HS3ST4: variants seen among roughly 807,000 people sequenced by gnomAD.
The protein encoded by HS3ST4 is heparan sulfate-glucosamine 3-sulfotransferase 4.
A neutral mutation model predicts 29.2 loss-of-function variants in HS3ST4; 17 were observed. That is an observed-to-expected ratio of 0.58 (90% CI 0.40 to 0.87). HS3ST4 has a LOEUF of 0.87. HS3ST4 is among the 40% of genes least tolerant of loss of function. The pLI is 0.00. For synonymous variants in HS3ST4, 314 were observed against 285.7 expected, an observed-to-expected ratio of 1.10 and a Z score of -1.00; for missense variants, 627 against 634.5, an observed-to-expected ratio of 0.99 and a Z score of 0.13.
At chr16:25,792,091 T>C (rs933814400) in intron 1 of HS3ST4, among the ~76,000 whole-genome samples, 1 of 152,048 alleles carries the variant, frequency 6.6e-6, no homozygotes, top group African/African-American at 2.4e-5. Flanking sequence ...ATCATTTTTA[T>C]GGATCTGTTG....
intron 1 of HS3ST4, among the ~76,000 whole-genome samples, chr16:25,767,284 G>C (rs1966826558): frequency 6.6e-6 from 1 of 152,204 alleles, no homozygotes. Flanking sequence ...TTATCATCCA[G>C]TGTTCTTGAG....
chr16:26,079,867 A>G (rs1446430355), intron 1 of HS3ST4, among the ~76,000 whole-genome samples: 1 of 152,198 alleles, frequency 6.6e-6, no homozygotes, highest in Admixed American at 6.5e-5. Flanking sequence ...CAATGTAAAC[A>G]TGGATAGTAA....
intron 1 of HS3ST4, among the ~76,000 whole-genome samples, chr16:26,021,928 C>G (rs946795677): frequency 1.5e-4 from 23 of 151,846 alleles, no homozygotes; most frequent in Non-Finnish European, 2.9e-4. Context: ...TCCCAAAGTG[C>G]TGGAATTACA....
At chr16:25,922,731 T>C (rs1968366194) in intron 1 of HS3ST4, among the ~76,000 whole-genome samples, 1 of 152,246 alleles carries the variant, frequency 6.6e-6, no homozygotes, top group Non-Finnish European at 1.5e-5. Flanking sequence ...TTAGAATTAC[T>C]GGAAGCTTGT....
chr16:25,867,729 G>A lies in HS3ST4; in HGVS notation c.734+174578G>A, dbSNP rs114811670. On this transcript the variant is annotated intron_variant, in intron 1 of 1. Transcript: ENST00000331351. ...ACATATTGGGTGCTCAAAAAATGATGCAGGTTGAAGGAATATTGACATCAT... is the reference window on the plus strand; with the variant it reads ...ACATATTGGGTGCTCAAAAAATGATACAGGTTGAAGGAATATTGACATCAT... 2.6e-3 allele frequency among the ~76,000 whole-genome samples: 391 copies of A among 152,222 alleles called. 2 individuals carry two copies. Among genetic ancestry groups the A allele is most frequent in the African/African-American group, 9.1e-3 (378 of 41,534 alleles).
At chr16:25,802,337 T>C (rs1966947344) in intron 1 of HS3ST4, among the ~76,000 whole-genome samples, 1 of 152,172 alleles carries the variant, frequency 6.6e-6, no homozygotes, top group African/African-American at 2.4e-5. Flanking sequence ...TTGAATGTTA[T>C]TCTTTTCCTA....
chr16:25,781,359 G>C (rs756149976), intron 1 of HS3ST4, among the ~76,000 whole-genome samples: 4 of 152,106 alleles, frequency 2.6e-5, no homozygotes, highest in Non-Finnish European at 5.9e-5. Context: ...CCTCATCAGC[G>C]GTTCTCTTGA....
In HS3ST4 at chr16:26,136,133, G is replaced by A. The variant is rs9930821; in HGVS notation, c.1256G>A (p.Arg419His). ...AAGAGCAAAGGTCGGACTCATCCTC[G>A]CATTGACCCAGATGTCATCCACAGA... Reference protein sequence around the residue: ...LGKSKGRTHPRIDPDVIHRLR... With the variant: ...LGKSKGRTHPHIDPDVIHRLR... The change falls in exon 2 of 2, where the codon CGC becomes CAC. Residue 419 changes from arginine to histidine, a missense_variant. This residue lies in a region of HS3ST4 where 225 missense variants were observed against 293.7 expected (regional missense o/e 0.77). Transcript: ENST00000331351. 8 of 1,613,122 alleles carry A rather than the reference G, an allele frequency of 5.0e-6. No homozygotes were observed. Among genetic ancestry groups the A allele is most frequent in the Admixed American group, 1.7e-5 (1 of 59,898 alleles).
intron 1 of HS3ST4, among the ~76,000 whole-genome samples, chr16:25,726,428 C>A (rs1477671339): frequency 1.3e-5 from 2 of 152,062 alleles, no homozygotes; most frequent in African/African-American, 4.8e-5. Flanking sequence ...TTGCAGTGAA[C>A]AAATGGGTAT....
rs555504022 is a variant in HS3ST4, at chr16:25,829,575, C to T, written c.734+136424C>T. The stretch of plus-strand genomic sequence containing the variant: ...GTCCTAATGCTCTCCCTCCCCTTGC[C>T]CCGACCCTGCAACAGGCCCCGGTGT... On this transcript the variant is annotated intron_variant, in intron 1 of 1. Coordinates refer to ENST00000331351, the MANE Select transcript of HS3ST4 (RefSeq NM_006040.3). 5.3e-5 allele frequency among the ~76,000 whole-genome samples: 8 copies of T among 152,130 alleles called. No individual in the cohort carries two copies. In the South Asian group the frequency reaches 1.7e-3, roughly 32 times the overall value.
At chr16:25,870,461 T>G (rs72780754) in intron 1 of HS3ST4, among the ~76,000 whole-genome samples, 5,082 of 150,644 alleles carry the variant, frequency 0.034, 88 homozygotes, top group South Asian at 0.073. Flanking sequence ...GGCCAGGGAG[T>G]GAATCAAATA....
At chr16:25,745,332 G>A (rs1218576770) in intron 1 of HS3ST4, among the ~76,000 whole-genome samples, 2 of 152,118 alleles carry the variant, frequency 1.3e-5, no homozygotes, top group Non-Finnish European at 2.9e-5. Flanking sequence ...CTTGGTCCAT[G>A]TGCTACCATT....
chr16:25,850,743 A>G lies in HS3ST4; in HGVS notation c.734+157592A>G, dbSNP rs544166228. Among the ~76,000 whole-genome samples, 599 of 152,336 alleles carry G rather than the reference A, an allele frequency of 3.9e-3. 6 individuals are homozygous for G. The highest frequency in any genetic ancestry group is 0.014 in the African/African-American group (574 of 41,576). Reference sequence around the variant, plus strand: ...AAGGATTTCAAAGTTAAGAAAGAAAAGAGTGCTTCATACAAAGGCACAAAG... The same window carrying G: ...AAGGATTTCAAAGTTAAGAAAGAAAGGAGTGCTTCATACAAAGGCACAAAG... On this transcript the variant is annotated intron_variant, in intron 1 of 1. Coordinates refer to ENST00000331351, the MANE Select transcript of HS3ST4 (RefSeq NM_006040.3).
intron 1 of HS3ST4, among the ~76,000 whole-genome samples, chr16:25,918,232 A>G (rs1596613678): frequency 6.6e-6 from 1 of 152,236 alleles, no homozygotes; most frequent in African/African-American, 2.4e-5. Context: ...TATTTGGTCC[A>G]TCAAGTAATA....
chr16:25,798,775 CATTCTT>C (rs1425248556), intron 1 of HS3ST4, among the ~76,000 whole-genome samples: 1 of 152,176 alleles, frequency 6.6e-6, no homozygotes, highest in Non-Finnish European at 1.5e-5. Flanking sequence ...ACGGCACCCT[CATTCTT>C]TAGATGCTTG....
intron 1 of HS3ST4, among the ~76,000 whole-genome samples, chr16:25,948,828 C>T (rs1368760881): frequency 6.6e-6 from 1 of 152,122 alleles, no homozygotes; most frequent in Non-Finnish European, 1.5e-5. Context: ...CTGACGTGAC[C>T]TCCGTGGCAC....
chr16:26,067,885 G>C (rs1370730079), intron 1 of HS3ST4, among the ~76,000 whole-genome samples: 1 of 152,134 alleles, frequency 6.6e-6, no homozygotes, highest in African/African-American at 2.4e-5. Flanking sequence ...TCTCTTGCTT[G>C]CCTGCCACCA....
intron 1 of HS3ST4, among the ~76,000 whole-genome samples, chr16:26,021,309 G>C (rs1969411797): frequency 6.6e-6 from 1 of 152,114 alleles, no homozygotes; most frequent in Non-Finnish European, 1.5e-5. Flanking sequence ...GTCCACACTG[G>C]ACCTGCATTC....
At chr16:25,998,098 A>C (rs1371315955) in intron 1 of HS3ST4, among the ~76,000 whole-genome samples, 1 of 151,912 alleles carries the variant, frequency 6.6e-6, no homozygotes. Flanking sequence ...CAAACAAACA[A>C]AAACACCTTA....
Sources: gnomAD v4.1 joint callset for allele counts (sites outside exome capture counted in the v4.1 genomes callset) on GRCh38, gnomAD v4.1.1 for gene constraint, gnomAD v4.1.1 regional missense constraint, MANE v1.5 for transcripts, NCBI Gene and HGNC (gene_info 2026-07-23, HGNC 2026-07-21) for gene names.